The following CACNA1A variants were observed in gnomAD, a reference collection of about 807,000 sequenced individuals.
The protein encoded by CACNA1A is voltage-dependent P/Q-type calcium channel subunit alpha-1A.
A neutral mutation model predicts 262.4 loss-of-function variants in CACNA1A; 57 were observed. That is an observed-to-expected ratio of 0.22 (90% CI 0.18 to 0.27). The LOEUF is 0.27. CACNA1A is among the 10% of genes least tolerant of loss of function. The pLI is 1.00. For synonymous variants in CACNA1A, 1,431 were observed against 1,419.3 expected, an observed-to-expected ratio of 1.01 and a Z score of -0.18; for missense variants, 2,526 against 3,562.8, an observed-to-expected ratio of 0.71 and a Z score of 7.41.
intron 15 of CACNA1A, 90 bp downstream of exon 15, chr19:13,307,692 G>T (rs1188069142): frequency 1.0e-6 from 1 of 992,578 alleles, no homozygotes; most frequent in Non-Finnish European, 1.6e-6. Flanking sequence ...AGAGAAGGAG[G>T]AGTTCAGGGA....
intron 1 of CACNA1A, among the ~76,000 whole-genome samples, chr19:13,493,911 C>G (rs1378594321): frequency 6.6e-6 from 1 of 152,172 alleles, no homozygotes; most frequent in South Asian, 2.1e-4. Flanking sequence ...AACAAGACAC[C>G]CCTTTCTCTG....
chr19:13,303,801 G>T lies in CACNA1A; in HGVS notation c.2070C>A (p.Ser690=). Residue 690 remains serine (S), a synonymous_variant, in exon 16 of 47, where the codon TCC becomes TCA. Coordinates refer to ENST00000360228, the MANE Select transcript of CACNA1A (RefSeq NM_001127222.2). The stretch of plus-strand genomic sequence containing the variant: ...AGAGCGTCAGTACAATGAAATAGAT[G>T]GAGAACACCATGCCGCCCTGCACGC... ...QGGVQGGMVF[S]IYFIVLTLFG... 6.2e-7 allele frequency: 1 copy of T among 1,613,158 alleles called. No individual in the cohort carries two copies. The highest frequency in any genetic ancestry group is 8.5e-7 in the Non-Finnish European group (1 of 1,179,278).
intron 1 of CACNA1A, among the ~76,000 whole-genome samples, chr19:13,461,830 T>C (rs2144982021): frequency 6.6e-6 from 1 of 152,136 alleles, no homozygotes; most frequent in East Asian, 1.9e-4. Context: ...GGGCGGGGGC[T>C]GAAAGAAGAG....
intron 44 of CACNA1A, 93 bp downstream of exon 44, chr19:13,210,524 G>A: frequency 1.7e-6 from 2 of 1,162,964 alleles, no homozygotes; most frequent in Non-Finnish European, 2.5e-6. Flanking sequence ...TGGGGTCCGG[G>A]GACGGTGAGA....
Position 13,474,970 on chromosome 19 carries a change from C to T in CACNA1A, c.294-19758G>A, listed in dbSNP as rs146570976. Among the ~76,000 whole-genome samples the T allele has an allele frequency of 9.4e-3, 1,424 of 152,228 alleles. 7 individuals are homozygous for T. The highest frequency in any genetic ancestry group is 0.011 in the African/African-American group (446 of 41,522). On this transcript the variant is annotated intron_variant, in intron 1 of 46. Transcript: ENST00000360228. Reference sequence around the variant, plus strand: ...AGGCTTTAGAAACCATTAATCTCCTCGAAGGAGAAGTCAAACACTTCTCAC... The same window carrying T: ...AGGCTTTAGAAACCATTAATCTCCTTGAAGGAGAAGTCAAACACTTCTCAC...
At position 13,214,187 on chromosome 19, in the gene CACNA1A, G is replaced by A. The variant is rs1220062820; in HGVS notation, c.5940+46C>T. 2 of 1,480,650 alleles carry A rather than the reference G, an allele frequency of 1.4e-6. No individual in the cohort carries two copies. The highest frequency in any genetic ancestry group is 1.7e-4 in the Middle Eastern group (1 of 5,884). 91.7% of individuals were successfully genotyped at this position (1,480,650 alleles called of 1,614,324 possible). On this transcript the variant is annotated intron_variant, in intron 40 of 46. Coordinates refer to ENST00000360228, the MANE Select transcript of CACNA1A (RefSeq NM_001127222.2). The surrounding 1 kb of genome is among the most constrained non-coding windows in gnomAD (Gnocchi z 4.1). ...AGTTGGTTCCCGTGGTGACATGCAAGCCACTGTCCCCAGCCCAGATGTCCC... is the reference window on the plus strand; with the variant it reads ...AGTTGGTTCCCGTGGTGACATGCAAACCACTGTCCCCAGCCCAGATGTCCC...
In CACNA1A at chr19:13,212,542, C is replaced by A; in HGVS notation, c.6051-20G>T. 1 of 1,551,892 alleles carries A rather than the reference C, an allele frequency of 6.4e-7. No individual in the cohort carries two copies. Among genetic ancestry groups the A allele is most frequent in the Non-Finnish European group, 8.7e-7 (1 of 1,145,476 alleles). On this transcript the variant is annotated intron_variant, in intron 41 of 46. Coordinates refer to ENST00000360228, the MANE Select transcript of CACNA1A (RefSeq NM_001127222.2). The surrounding 1 kb of genome is among the most constrained non-coding windows in gnomAD (Gnocchi z 5.6). ...GCCATCCTGCATGGGGGACAGAGGC[C>A]GGGGTAGCAGTGGGCGCTTGGGCAG...
intron 5 of CACNA1A, chr19:13,363,031 G>A (rs2059138397): frequency 6.6e-6 from 1 of 152,128 alleles, no homozygotes; most frequent in Admixed American, 6.6e-5. Flanking sequence ...CTGCCTGGGT[G>A]TCTGTATATA....
At chr19:13,230,527 G>A (rs547776690) in intron 35 of CACNA1A, among the ~76,000 whole-genome samples, 12 of 152,164 alleles carry the variant, frequency 7.9e-5, no homozygotes, top group Admixed American at 4.6e-4. Flanking sequence ...AAGACTGGCC[G>A]GGCACGGTGG....
chr19:13,438,542 T>C (rs770761824), intron 3 of CACNA1A, among the ~76,000 whole-genome samples: 1 of 152,210 alleles, frequency 6.6e-6, no homozygotes, highest in Non-Finnish European at 1.5e-5. Context: ...AGCACAGTCA[T>C]TCCAGCCGAG....
chr19:13,298,780 C>T lies in CACNA1A; in HGVS notation c.2853G>A (p.Ala951=), dbSNP rs761522418. 137 of 1,532,684 alleles carry T rather than the reference C, an allele frequency of 8.9e-5. No individual in the cohort carries two copies. Among genetic ancestry groups the T allele is most frequent in the Non-Finnish European group, 1.2e-4 (135 of 1,149,928 alleles). 94.9% of individuals were successfully genotyped at this position (1,532,684 alleles called of 1,614,324 possible). A position where few individuals can be genotyped will look rare whatever the true frequency, so the allele number is the denominator to read the frequency against. ...ESRSGSPRTG[A]DGEHRRHRAH... ...CGCGATGACGTCGATGCTCCCCGTCCGCGCCCGTGCGCGGGGACCCGCTGC... is the reference window on the plus strand; with the variant it reads ...CGCGATGACGTCGATGCTCCCCGTCTGCGCCCGTGCGCGGGGACCCGCTGC... The change falls in exon 19 of 47, where the codon GCG becomes GCA. Residue 951 remains alanine (A), a synonymous_variant. Transcript: ENST00000360228.
At chr19:13,217,479 A>T (rs1169017931) in intron 38 of CACNA1A, among the ~76,000 whole-genome samples, 6 of 152,152 alleles carry the variant, frequency 3.9e-5, no homozygotes, top group Admixed American at 3.3e-4. Flanking sequence ...TGCCACTGTT[A>T]TCACTCTTCC....
At chr19:13,472,031 C>T (rs1406319228) in intron 1 of CACNA1A, among the ~76,000 whole-genome samples, 2 of 152,196 alleles carry the variant, frequency 1.3e-5, no homozygotes, top group African/African-American at 2.4e-5. Flanking sequence ...GGCACAATCA[C>T]GGCTTACTGG....
At chr19:13,385,401 TAC>T (rs1236115257) in intron 3 of CACNA1A, among the ~76,000 whole-genome samples, 8 of 152,090 alleles carry the variant, frequency 5.3e-5, no homozygotes, top group Admixed American at 1.3e-4. Flanking sequence ...GGCTAATTTT[TAC>T]ATTTTTAGTA....
chr19:13,323,640 T>A (rs2058300115), intron 10 of CACNA1A, among the ~76,000 whole-genome samples: 1 of 151,978 alleles, frequency 6.6e-6, no homozygotes. Flanking sequence ...TGTTGAGTTG[T>A]TTGAGTTCCT....
At chr19:13,472,128 A>G (rs976096878) in intron 1 of CACNA1A, among the ~76,000 whole-genome samples, 5 of 151,804 alleles carry the variant, frequency 3.3e-5, no homozygotes, top group Non-Finnish European at 5.9e-5. Context: ...ACACCCAGCT[A>G]ATTTTTAATT....
Position 13,299,213 on chromosome 19 carries a change from T to C in CACNA1A, c.2420A>G (p.Tyr807Cys), listed in dbSNP as rs1461624188. The C allele has an allele frequency of 6.2e-7, 1 of 1,611,810 alleles. No homozygotes were observed. The highest frequency in any genetic ancestry group is 8.5e-7 in the Non-Finnish European group (1 of 1,179,880). ...MDPDERWKAA[Y>C]TRHLRPDMKT... ...CATGTCTGGCCGCAGGTGCCGCGTG[T>C]AGGCAGCCTTCCAGCGCTCGTCCGG... The change falls in exon 19 of 47, where the codon TAC (tyrosine) becomes TGC (cysteine). Residue 807 changes from tyrosine to cysteine, a missense_variant. This residue lies in a region of CACNA1A where 765 missense variants were observed against 748.6 expected (regional missense o/e 1.02). Coordinates refer to ENST00000360228, the MANE Select transcript of CACNA1A (RefSeq NM_001127222.2).
At chr19:13,397,807 T>C (rs1599366434) in intron 3 of CACNA1A, among the ~76,000 whole-genome samples, 1 of 152,294 alleles carries the variant, frequency 6.6e-6, no homozygotes, top group Non-Finnish European at 1.5e-5. Flanking sequence ...CCAGAAACAT[T>C]TCTCCTGTGC....
intron 3 of CACNA1A, among the ~76,000 whole-genome samples, chr19:13,437,824 C>T (rs541305291): frequency 3.2e-4 from 48 of 152,136 alleles, no homozygotes; most frequent in African/African-American, 1.0e-3. Flanking sequence ...GGAATCAGAG[C>T]CAGGTTTCCA....
Sources: gnomAD v4.1 joint callset for allele counts (sites outside exome capture counted in the v4.1 genomes callset) on GRCh38, gnomAD v4.1.1 for gene constraint, gnomAD v4.1.1 regional missense constraint, Gnocchi (gnomAD v3.1) non-coding constraint, MANE v1.5 for transcripts, NCBI Gene and HGNC (gene_info 2026-07-23, HGNC 2026-07-21) for gene names.